AK8: variants seen among roughly 807,000 people sequenced by gnomAD.
The protein encoded by AK8 is ATP-AMP transphosphorylase 8.
AK8 carries 44 observed loss-of-function variants against 54.6 expected under a neutral mutation model. That is an observed-to-expected ratio of 0.81 (90% confidence interval 0.63 to 1.04). The LOEUF is 1.04. AK8 is among the 50% of genes least tolerant of loss of function. AK8 has a pLI of 0.00. For missense variants in AK8, 555 were observed against 613.6 expected (o/e 0.90, Z 1.01); for synonymous variants, 239 against 245.6 (o/e 0.97, Z 0.25).
chr9:132,794,726 A>G (rs1016227877), intron 10 of AK8, among the ~76,000 whole-genome samples: 1 of 152,246 alleles, frequency 6.6e-6, no homozygotes, highest in Admixed American at 6.5e-5. Flanking sequence ...TTCAAAAGTA[A>G]TCAACTCTGT....
chr9:132,844,688 T>C (rs527723453), intron 5 of AK8, among the ~76,000 whole-genome samples: 5 of 152,338 alleles, frequency 3.3e-5, no homozygotes, highest in African/African-American at 1.2e-4. Context: ...AGGAGATATT[T>C]CTTTACTCTG....
At chr9:132,871,673 G>T (rs1293823909) in intron 2 of AK8, among the ~76,000 whole-genome samples, 1 of 152,206 alleles carries the variant, frequency 6.6e-6, no homozygotes, top group African/African-American at 2.4e-5. Context: ...CTCTGCTCGA[G>T]AACAACAGAG....
chr9:132,878,778 G>A (rs1387150274), upstream of AK8: 4 of 985,496 alleles, frequency 4.1e-6, no homozygotes, highest in Non-Finnish European at 4.8e-6. This position sits in a 1 kb window ranked among gnomAD's most constrained non-coding sequence, Gnocchi z 4.7. Context: ...TCGAGCCCCG[G>A]TAGACCCCTC....
intron 5 of AK8, among the ~76,000 whole-genome samples, chr9:132,848,534 G>GC (rs1268577555): frequency 6.6e-6 from 1 of 152,074 alleles, no homozygotes; most frequent in African/African-American, 2.4e-5. Flanking sequence ...GCCTAAGACG[G>GC]CCCCTCCACA....
At position 132,799,229 on chromosome 9, in the gene AK8, C is replaced by A. The variant is rs994321911; in HGVS notation, c.980-6454G>T. Among the ~76,000 whole-genome samples, 1 of 152,288 alleles carries A rather than the reference C, an allele frequency of 6.6e-6. No individual in the cohort carries two copies. Among genetic ancestry groups the A allele is most frequent in the African/African-American group, 2.4e-5 (1 of 41,556 alleles). On this transcript the variant is annotated intron_variant, in intron 10 of 12. Coordinates refer to ENST00000298545, the MANE Select transcript of AK8 (RefSeq NM_152572.3). This position sits in a 1 kb window ranked among gnomAD's most constrained non-coding sequence, Gnocchi z 5.0. ...GCAGGGACCTTGGCTTTCTGCCCATCAGTTATTGTTGAGGGAGAAGATATG... is the reference window on the plus strand; with the variant it reads ...GCAGGGACCTTGGCTTTCTGCCCATAAGTTATTGTTGAGGGAGAAGATATG...
At chr9:132,876,940 TGTAGTCTCGGCTACTCTG>T (rs1164370503) in intron 1 of AK8, among the ~76,000 whole-genome samples, 1 of 151,830 alleles carries the variant, frequency 6.6e-6, no homozygotes, top group Non-Finnish European at 1.5e-5. Flanking sequence ...GGCCTGCACC[TGTAGTCTCGGCTACTCTG>T]GAGGGACTAA....
intron 5 of AK8, among the ~76,000 whole-genome samples, chr9:132,840,051 C>A (rs917579458): frequency 2.6e-5 from 4 of 152,112 alleles, no homozygotes; most frequent in African/African-American, 9.7e-5. Context: ...CTCCTGACCT[C>A]AGGTGATCCA....
chr9:132,772,590 T>C (rs902190217), intron 11 of AK8, among the ~76,000 whole-genome samples: 11 of 152,210 alleles, frequency 7.2e-5, no homozygotes, highest in African/African-American at 2.7e-4. Flanking sequence ...TCTGTTAAGA[T>C]ACCTCATCTA....
rs1443612507 is a variant in AK8 at position 132,770,845 on chromosome 9, G to T, written c.1121+21789C>A. On this transcript the variant is annotated intron_variant, in intron 11 of 12. Coordinates refer to ENST00000298545, the MANE Select transcript of AK8 (RefSeq NM_152572.3). The surrounding 1 kb of genome is among the most constrained non-coding windows in gnomAD (Gnocchi z 4.3). The stretch of plus-strand genomic sequence containing the variant: ...TGCACGGCAGACCCCCTGGCATGGG[G>T]TTACACCTTCTCTCAGGCCCAGCGG... Among the ~76,000 whole-genome samples, 1 of 152,154 alleles carries T rather than the reference G, an allele frequency of 6.6e-6. No individual in the cohort carries two copies. The highest frequency in any genetic ancestry group is 1.9e-4 in the East Asian group (1 of 5,168).
chr9:132,833,402 C>T (rs1027931143), intron 5 of AK8, among the ~76,000 whole-genome samples: 1 of 152,156 alleles, frequency 6.6e-6, no homozygotes. Flanking sequence ...GCCTGTGTTG[C>T]GAGGTTCGCG....
In AK8 at chr9:132,803,920, A is replaced by G. The variant is rs1840586756; in HGVS notation, c.979+10718T>C. On this transcript the variant is annotated intron_variant, in intron 10 of 12. Coordinates refer to ENST00000298545, the MANE Select transcript of AK8 (RefSeq NM_152572.3). The surrounding 1 kb of genome is among the most constrained non-coding windows in gnomAD (Gnocchi z 4.4). Reference sequence around the variant, plus strand: ...AGGTCAAGAGATGGAGACCTGGCCAATATGGTGAAACCCCATCTCTACTAA... The same window carrying G: ...AGGTCAAGAGATGGAGACCTGGCCAGTATGGTGAAACCCCATCTCTACTAA... 6.6e-6 allele frequency among the ~76,000 whole-genome samples: 1 copy of G among 152,030 alleles called. No homozygotes were observed. The highest frequency in any genetic ancestry group is 1.5e-5 in the Non-Finnish European group (1 of 68,024).
chr9:132,844,297 CAA>C lies in AK8; in HGVS notation c.402+10558_402+10559del, dbSNP rs35309762. 7.6e-3 allele frequency among the ~76,000 whole-genome samples: 704 copies of C among 92,582 alleles called. 3 individuals are homozygous for C. Among genetic ancestry groups the C allele is most frequent in the African/African-American group, 0.027 (571 of 20,996 alleles). 60.7% of individuals were successfully genotyped at this position (92,582 alleles called of 152,430 possible). On this transcript the variant is annotated intron_variant, in intron 5 of 12. Transcript: ENST00000298545. ...ATTCTTCAAAGAGACTGCATTAGAC[CAA>C]AAAAAAAAAAAAAAAAAGAAAAAAG...
chr9:132,856,219 TC>T (rs1415708824), intron 4 of AK8, among the ~76,000 whole-genome samples: 1 of 152,180 alleles, frequency 6.6e-6, no homozygotes, highest in Non-Finnish European at 1.5e-5. Flanking sequence ...ATCAGAAAGT[TC>T]CTTGCTGGGG....
At chr9:132,771,637 G>A (rs1026081204) in intron 11 of AK8, among the ~76,000 whole-genome samples, 2 of 151,320 alleles carry the variant, frequency 1.3e-5, no homozygotes, top group African/African-American at 4.9e-5. Context: ...CATCTAGCAT[G>A]TTCTGACTGC....
At chr9:132,842,248 G>A (rs1211520103) in intron 5 of AK8, among the ~76,000 whole-genome samples, 1 of 152,196 alleles carries the variant, frequency 6.6e-6, no homozygotes, top group East Asian at 1.9e-4. Flanking sequence ...TGTGCATGTT[G>A]GGATAAGATT....
intron 11 of AK8, among the ~76,000 whole-genome samples, chr9:132,728,206 A>C (rs1454980556): frequency 1.3e-5 from 2 of 152,212 alleles, no homozygotes; most frequent in African/African-American, 2.4e-5. Context: ...CTGGGATACC[A>C]CACTTGGAGG....
chr9:132,774,238 G>A (rs1008140312), intron 11 of AK8, among the ~76,000 whole-genome samples: 1 of 152,074 alleles, frequency 6.6e-6, no homozygotes, highest in African/African-American at 2.4e-5. Context: ...ATGGGGTGGG[G>A]GTGGCTCTGA....
At chr9:132,749,064 G>A (rs1050541335) in intron 11 of AK8, among the ~76,000 whole-genome samples, 5 of 151,710 alleles carry the variant, frequency 3.3e-5, no homozygotes, top group Non-Finnish European at 5.9e-5. Context: ...TAGTAGAGAC[G>A]GGTTTCACCA....
chr9:132,801,537 C>G (rs1459629649), intron 10 of AK8, among the ~76,000 whole-genome samples: 2 of 152,130 alleles, frequency 1.3e-5, no homozygotes, highest in Non-Finnish European at 2.9e-5. Flanking sequence ...TTAAGGAACA[C>G]GATTTTCCTT....
Sources: allele counts gnomAD v4.1 joint callset (sites outside exome capture counted in the v4.1 genomes callset), GRCh38; gene constraint gnomAD v4.1.1; non-coding constraint Gnocchi (gnomAD v3.1); transcripts MANE v1.5; gene names NCBI Gene and HGNC (gene_info 2026-07-23, HGNC 2026-07-21).